Variants in NCOA6 observed in about 807,000 individuals in gnomAD.
NCOA6 encodes nuclear receptor coactivator 6, also known as NRC RAP250.
In NCOA6, 49 loss-of-function variants were observed where a neutral mutation model predicts 171.4. The ratio of observed to expected loss-of-function variants is 0.29; its 90% CI spans 0.23 to 0.36. The LOEUF (loss-of-function observed/expected upper bound fraction) is 0.36. Ranked by LOEUF, NCOA6 falls within the 10% of genes least tolerant of loss-of-function variation. The pLI, the probability that NCOA6 is intolerant of heterozygous loss-of-function variation, is 1.00. For synonymous variants in NCOA6, 910 were observed against 927.5 expected (o/e 0.98, Z 0.34); for missense variants, 2,248 against 2,554.5 (o/e 0.88, Z 2.59).
chr20:34,734,193 T>C (rs1454273490), intron 12 of NCOA6, among the ~76,000 whole-genome samples: 1 of 151,796 alleles, frequency 6.6e-6, no homozygotes, highest in East Asian at 1.9e-4. Context: ...GCCTCCCGAG[T>C]AGCTGGGAGT....
intron 11 of NCOA6, among the ~76,000 whole-genome samples, chr20:34,737,582 C>T (rs2075995716): frequency 1.3e-5 from 2 of 152,286 alleles, no homozygotes; most frequent in South Asian, 4.1e-4. Context: ...CTTCAAAGGA[C>T]ACAGAGAACT....
intron 1 of NCOA6, among the ~76,000 whole-genome samples, chr20:34,810,022 T>C (rs1165176775): frequency 6.6e-6 from 1 of 152,194 alleles, no homozygotes; most frequent in African/African-American, 2.4e-5. Context: ...GTCCAGTGGC[T>C]TTTATTAAGG....
At chr20:34,793,413 T>C (rs1348085912) in intron 1 of NCOA6, among the ~76,000 whole-genome samples, 2 of 152,190 alleles carry the variant, frequency 1.3e-5, no homozygotes, top group Non-Finnish European at 2.9e-5. Flanking sequence ...ATACATTATA[T>C]TTTTCATTAA....
rs562391790 is a variant in NCOA6 at position 34,775,143 on chromosome 20, G to C, written c.391+1150C>G. On this transcript the variant is annotated intron_variant, in intron 4 of 14. Coordinates refer to ENST00000359003, the MANE Select transcript of NCOA6 (RefSeq NM_014071.5). ...AGAAAGCTGAGAAGCTGGAACACAG[G>C]GGGCAAGGGAGGAAAGTTACACAAG... Among the ~76,000 whole-genome samples, 11 of 152,290 alleles carry C rather than the reference G, an allele frequency of 7.2e-5. No homozygotes were observed. The East Asian group carries it at 1.5e-3, about 21-fold the overall frequency.
intron 5 of NCOA6, among the ~76,000 whole-genome samples, chr20:34,766,313 AC>A (rs2076979875): frequency 6.6e-6 from 1 of 152,160 alleles, no homozygotes; most frequent in Non-Finnish European, 1.5e-5. Context: ...TTGATAATCA[AC>A]TATAGCACTA....
chr20:34,783,383 G>A (rs1207144696), intron 2 of NCOA6, among the ~76,000 whole-genome samples: 1 of 152,154 alleles, frequency 6.6e-6, no homozygotes, highest in Non-Finnish European at 1.5e-5. Flanking sequence ...ATATAAAGAA[G>A]TTACATTTTC....
chr20:34,813,646 C>A (rs2078744964), intron 1 of NCOA6, among the ~76,000 whole-genome samples: 1 of 152,002 alleles, frequency 6.6e-6, no homozygotes, highest in Admixed American at 6.6e-5. Context: ...ATCATGATAT[C>A]TTTATTTTTA....
At chr20:34,717,958 G>A (rs995039535) in intron 14 of NCOA6, among the ~76,000 whole-genome samples, 2 of 152,126 alleles carry the variant, frequency 1.3e-5, no homozygotes, top group African/African-American at 4.8e-5. Context: ...GTGGGGTGTG[G>A]GGGAGAAGCA....
chr20:34,770,541 A>G (rs1192632269), intron 4 of NCOA6, among the ~76,000 whole-genome samples: 1 of 152,200 alleles, frequency 6.6e-6, no homozygotes, highest in African/African-American at 2.4e-5. Flanking sequence ...TTCTAAGTAG[A>G]AAGAATATTG....
In NCOA6 at chr20:34,741,400, T is replaced by A. The variant is rs780525106; in HGVS notation, c.4856A>T (p.His1619Leu). Residue 1619 changes from histidine to leucine, a missense_variant, in exon 11 of 15, where the codon CAC (histidine) becomes CTC (leucine). This residue lies in a region of NCOA6 where 884 missense variants were observed against 941.9 expected (regional missense o/e 0.94). Coordinates refer to ENST00000359003, the MANE Select transcript of NCOA6 (RefSeq NM_014071.5). ...TGTTGACATCAATGCAGACTGCAAG[T>A]GAGTTGGCAAAGCTGCTGATGTGTT... is the stretch of plus-strand genomic sequence containing the variant. ...SANTSAALPT[H>L]LQSALMSTVV... The A allele has an allele frequency of 6.2e-7, 1 of 1,614,144 alleles. No individual in the cohort carries two copies. Among genetic ancestry groups the A allele is most frequent in the Non-Finnish European group, 8.5e-7 (1 of 1,180,020 alleles).
chr20:34,807,987 T>C (rs1452958182), intron 1 of NCOA6, among the ~76,000 whole-genome samples: 1 of 151,462 alleles, frequency 6.6e-6, no homozygotes. Context: ...CTGTCTCTAC[T>C]AAAAACACAA....
intron 2 of NCOA6, among the ~76,000 whole-genome samples, chr20:34,791,964 T>C (rs2146331579): frequency 6.6e-6 from 1 of 152,274 alleles, no homozygotes; most frequent in South Asian, 2.1e-4. Flanking sequence ...CAGGATCTGT[T>C]ATTGGAGTGC....
chr20:34,757,284 G>A lies in NCOA6; in HGVS notation c.1464C>T (p.Asn488=). The A allele has an allele frequency of 6.2e-7, 1 of 1,613,366 alleles. No individual in the cohort carries two copies. Among genetic ancestry groups the A allele is most frequent in the Non-Finnish European group, 8.5e-7 (1 of 1,179,566 alleles). The part of the protein sequence containing the change: ...PMVQQGNVPP[N]FMVMQQQPPN... Reference sequence around the variant, plus strand: ...GTGGTTGCTGCTGCATCACCATGAAGTTAGGTGGCACATTTCCCTGTTGAA... The same window carrying A: ...GTGGTTGCTGCTGCATCACCATGAAATTAGGTGGCACATTTCCCTGTTGAA... Residue 488 remains asparagine (N), a synonymous_variant, in exon 7 of 15, where the codon AAC becomes AAT. Coordinates refer to ENST00000359003, the MANE Select transcript of NCOA6 (RefSeq NM_014071.5).
At chr20:34,730,759 T>C (rs1990515210) in intron 13 of NCOA6, among the ~76,000 whole-genome samples, 1 of 150,408 alleles carries the variant, frequency 6.6e-6, no homozygotes, top group Non-Finnish European at 1.5e-5. Flanking sequence ...GTTGCTCATG[T>C]TGGAGTGCAG....
At chr20:34,725,588 A>T (rs1214711618) in intron 14 of NCOA6, among the ~76,000 whole-genome samples, 2 of 152,204 alleles carry the variant, frequency 1.3e-5, no homozygotes, top group Non-Finnish European at 2.9e-5. Context: ...TTGGACTTTA[A>T]TCCTAATTAC....
chr20:34,802,531 T>TC (rs1204455489), intron 1 of NCOA6, among the ~76,000 whole-genome samples: 4 of 151,302 alleles, frequency 2.6e-5, no homozygotes, highest in African/African-American at 9.7e-5. Flanking sequence ...AACCAGGGAG[T>TC]CGGAAGTTGC....
Position 34,736,707 on chromosome 20 carries a change from G to A in NCOA6, c.5945C>T (p.Ala1982Val), listed in dbSNP as rs756299397. ...SKETSTTALQ[A>V]SVARPELEVN... ...CGCCTTACCTGGTCTGGCAACAGAG[G>A]CCTGCAGTGCTGTGGTTGAAGTTTC... Residue 1982 changes from alanine (A) to valine (V), a missense_variant, in exon 12 of 15, where the codon GCC becomes GTC. By Grantham distance (64) the Ala-to-Val change is moderately conservative. This residue lies in a region of NCOA6 where 884 missense variants were observed against 941.9 expected (regional missense o/e 0.94). Coordinates refer to ENST00000359003, the MANE Select transcript of NCOA6 (RefSeq NM_014071.5). 4 of 1,609,708 alleles carry A rather than the reference G, an allele frequency of 2.5e-6. No homozygotes were observed. The highest frequency in any genetic ancestry group is 2.5e-6 in the Non-Finnish European group (3 of 1,177,610).
rs181909865 is a variant in NCOA6 at position 34,793,649 on chromosome 20, G to A, written c.-163-1086C>T. ...AAAAAAAATAATAATAAAGCCATAAGAGAAAAGATTGATAAGTTCAAATGC... is the reference window on the plus strand; with the variant it reads ...AAAAAAAATAATAATAAAGCCATAAAAGAAAAGATTGATAAGTTCAAATGC... On this transcript the variant is annotated intron_variant, in intron 1 of 14. Transcript: ENST00000359003. Among the ~76,000 whole-genome samples the A allele has an allele frequency of 2.2e-3, 331 of 151,500 alleles. 1 individual carries two copies. Among genetic ancestry groups the A allele is most frequent in the Non-Finnish European group, 2.2e-3 (146 of 67,866 alleles).
chr20:34,724,424 T>C (rs1989726958), intron 14 of NCOA6, among the ~76,000 whole-genome samples: 1 of 152,210 alleles, frequency 6.6e-6, no homozygotes, highest in South Asian at 2.1e-4. Flanking sequence ...CCGTGTCTAG[T>C]GTCTAGTGTG....
Sources: allele counts gnomAD v4.1 joint callset (sites outside exome capture counted in the v4.1 genomes callset), GRCh38; gene constraint gnomAD v4.1.1; regional missense constraint gnomAD v4.1.1; transcripts MANE v1.5; gene names NCBI Gene and HGNC (gene_info 2026-07-23, HGNC 2026-07-21).